OR10H4: variants seen among roughly 807,000 people sequenced by gnomAD.
OR10H4 encodes olfactory receptor 10H4.
OR10H4 carries 10 observed loss-of-function variants against 10.5 expected under a neutral mutation model. The ratio of observed to expected loss-of-function variants is 0.95; its 90% confidence interval spans 0.59 to 1.62. OR10H4 has a LOEUF of 1.62. Among genes scored for constraint, OR10H4 ranks in the 40% most tolerant of loss-of-function variants. OR10H4 has a pLI of 0.00. For missense variants in OR10H4, 397 were observed against 391.5 expected, an observed-to-expected ratio of 1.01 and a Z score of -0.12; for synonymous variants, 160 against 149.4, an observed-to-expected ratio of 1.07 and a Z score of -0.52.
At position 15,949,197 on chromosome 19, in the gene OR10H4, T is replaced by A; in HGVS notation, c.190T>A (p.Leu64Met). The A allele has an allele frequency of 4.3e-6, 7 of 1,614,190 alleles. No homozygotes were observed. The highest frequency in any genetic ancestry group is 5.9e-6 in the Non-Finnish European group (7 of 1,180,036). Residue 64 changes from leucine (L) to methionine (M), a missense_variant, in exon 1 of 1, where the codon TTG becomes ATG. By Grantham distance (15) the Leu-to-Met change is conservative (BLOSUM62 2). Transcript: ENST00000322107. The part of the protein sequence containing the change: ...HRLHTPMYLF[L>M]CTLSVSEILF... ...ACTCCACACACCCATGTACCTCTTC[T>A]TGTGCACCCTCTCCGTCTCTGAGAT...
In OR10H4 at chr19:15,949,729, C is replaced by A; in HGVS notation, c.722C>A (p.Ser241Tyr). Residue 241 changes from serine to tyrosine, a missense_variant, in exon 1 of 1, where the codon TCT becomes TAT. By Grantham distance (144) the Ser-to-Tyr change is moderately radical. Coordinates refer to ENST00000322107, the MANE Select transcript of OR10H4 (RefSeq NM_001004465.1). ...PSAEGRHKTFSTCVSHLTVVV... is the reference protein window; with the variant it reads ...PSAEGRHKTFYTCVSHLTVVV... ...GCCGAAGGCCGGCACAAGACATTTT[C>A]TACGTGTGTATCCCACCTCACTGTG... 6.2e-7 allele frequency: 1 copy of A among 1,614,210 alleles called. No individual in the cohort carries two copies.
rs771886757 is a variant in OR10H4, at chr19:15,949,700, C to T, written c.693C>T (p.Pro231=). The change falls in exon 1 of 1, where the codon CCC becomes CCT. Residue 231 remains proline (P), a synonymous_variant. Transcript: ENST00000322107. ...TTGTGGCTGCCATCTTGAGGATTCC[C>T]TCTGCCGAAGGCCGGCACAAGACAT... The part of the protein sequence containing the change: ...VFIVAAILRI[P]SAEGRHKTFS... 2.5e-6 allele frequency: 4 copies of T among 1,614,084 alleles called. No homozygotes were observed. The highest frequency in any genetic ancestry group is 1.7e-5 in the Admixed American group (1 of 60,004).
In OR10H4 at chr19:15,949,791, C is replaced by G. The variant is rs1198809187; in HGVS notation, c.784C>G (p.Leu262Val). The G allele has an allele frequency of 6.2e-7, 1 of 1,614,040 alleles. No homozygotes were observed. Among genetic ancestry groups the G allele is most frequent in the African/African-American group, 1.3e-5 (1 of 74,906 alleles). The change falls in exon 1 of 1, where the codon CTC becomes GTC. Residue 262 changes from leucine to valine, a missense_variant. By Grantham distance (32) the Leu-to-Val change is conservative. Coordinates refer to ENST00000322107, the MANE Select transcript of OR10H4 (RefSeq NM_001004465.1). ...THYSFASFIYLKPKGLHSMYS... is the reference protein window; with the variant it reads ...THYSFASFIYVKPKGLHSMYS... ...CTATAGTTTTGCCTCCTTTATCTAC[C>G]TCAAGCCCAAGGGCCTCCATTCTAT...
At position 15,949,073 on chromosome 19, in the gene OR10H4, G is replaced by A; in HGVS notation, c.66G>A (p.Gln22=). The change falls in exon 1 of 1, where the codon CAG becomes CAA. Residue 22 remains glutamine (Q), a synonymous_variant. Transcript: ENST00000322107. ...TCTTTGGCTTCTCAGCCTTCCCCCA[G>A]CACCTCCTGCCCATCTTGTTCCTGC... ...FNLFGFSAFP[Q]HLLPILFLLY... 9.9e-6 allele frequency: 16 copies of A among 1,614,092 alleles called. No individual in the cohort carries two copies. Among genetic ancestry groups the A allele is most frequent in the Non-Finnish European group, 1.4e-5 (16 of 1,180,004 alleles).
Position 15,949,260 on chromosome 19 carries a change from G to T in OR10H4, c.253G>T (p.Asp85Tyr). ...TGCCATCACCCCTCGCATGCTGGCT[G>T]ATCTGCTTTCCACCCATCATTCCAT... ...TVAITPRMLA[D>Y]LLSTHHSITF... Residue 85 changes from aspartate to tyrosine, a missense_variant, in exon 1 of 1, where the codon GAT (aspartate) becomes TAT (tyrosine). Asp to Tyr is a radical substitution (Grantham distance 160, BLOSUM62 -3). Coordinates refer to ENST00000322107, the MANE Select transcript of OR10H4 (RefSeq NM_001004465.1). The T allele has an allele frequency of 6.2e-7, 1 of 1,614,228 alleles. No individual in the cohort carries two copies. The highest frequency in any genetic ancestry group is 8.5e-7 in the Non-Finnish European group (1 of 1,180,046).
At position 15,949,736 on chromosome 19, in the gene OR10H4, T is replaced by G. The variant is rs751973103; in HGVS notation, c.729T>G (p.Cys243Trp). The change falls in exon 1 of 1, where the codon TGT becomes TGG. Residue 243 changes from cysteine (C) to tryptophan (W), a missense_variant. Physicochemically the swap from Cys to Trp is radical, Grantham distance 215 (BLOSUM62 -2). Coordinates refer to ENST00000322107, the MANE Select transcript of OR10H4 (RefSeq NM_001004465.1). ...AEGRHKTFST[C>W]VSHLTVVVTH... ...GCCGGCACAAGACATTTTCTACGTGTGTATCCCACCTCACTGTGGTGGTCA... is the reference window on the plus strand; with the variant it reads ...GCCGGCACAAGACATTTTCTACGTGGGTATCCCACCTCACTGTGGTGGTCA... 1 of 1,614,086 alleles carries G rather than the reference T, an allele frequency of 6.2e-7. No homozygotes were observed.
rs993628964 is a variant in OR10H4 at position 15,949,140 on chromosome 19, C to T, written c.133C>T (p.Leu45Phe). 3 of 1,614,212 alleles carry T rather than the reference C, an allele frequency of 1.9e-6. No individual in the cohort carries two copies. Among genetic ancestry groups the T allele is most frequent in the Non-Finnish European group, 1.7e-6 (2 of 1,180,030 alleles). ...MFLFTLLGNL[L>F]IMATIWIEHR... The stretch of plus-strand genomic sequence containing the variant: ...CCTGTTCACATTGCTGGGCAACCTT[C>T]TCATCATGGCCACAATCTGGATTGA... The change falls in exon 1 of 1, where the codon CTC becomes TTC. Residue 45 changes from leucine (L) to phenylalanine (F), a missense_variant. Leu to Phe is a conservative substitution (Grantham distance 22). Coordinates refer to ENST00000322107, the MANE Select transcript of OR10H4 (RefSeq NM_001004465.1).
In OR10H4 at chr19:15,949,568, G is replaced by A; in HGVS notation, c.561G>A (p.Lys187=). The A allele has an allele frequency of 6.2e-7, 1 of 1,614,212 alleles. No individual in the cohort carries two copies. Among genetic ancestry groups the A allele is most frequent in the Non-Finnish European group, 8.5e-7 (1 of 1,180,040 alleles). The change falls in exon 1 of 1, where the codon AAG becomes AAA. Residue 187 remains lysine (K), a synonymous_variant. Transcript: ENST00000322107. Reference sequence around the variant, plus strand: ...TCTGTCATGTGCTTTCCCTCTTGAAGTTGGCCTGTGAAAACAAGACATCAT... The same window carrying A: ...TCTGTCATGTGCTTTCCCTCTTGAAATTGGCCTGTGAAAACAAGACATCAT... ...HFFCHVLSLL[K]LACENKTSSV...
rs16980994 is a variant in OR10H4, at chr19:15,949,307, C to T, written c.300C>T (p.Asn100=). 7 of 1,613,870 alleles carry T rather than the reference C, an allele frequency of 4.3e-6. No homozygotes were observed. The highest frequency in any genetic ancestry group is 2.7e-5 in the African/African-American group (2 of 74,794). The change falls in exon 1 of 1, where the codon AAC becomes AAT. Residue 100 remains asparagine, a synonymous_variant. Coordinates refer to ENST00000322107, the MANE Select transcript of OR10H4 (RefSeq NM_001004465.1). The part of the protein sequence containing the change: ...HHSITFVACA[N]QMFFSFMFGF... ...CCATCACCTTTGTGGCTTGTGCCAA[C>T]CAGATGTTCTTCTCCTTCATGTTTG...
chr19:15,949,077 C>T lies in OR10H4; in HGVS notation c.70C>T (p.Leu24Phe), dbSNP rs1319032637. Residue 24 changes from leucine to phenylalanine, a missense_variant, in exon 1 of 1, where the codon CTC becomes TTC. Leu to Phe is a conservative substitution (Grantham distance 22, BLOSUM62 0). Coordinates refer to ENST00000322107, the MANE Select transcript of OR10H4 (RefSeq NM_001004465.1). ...TGGCTTCTCAGCCTTCCCCCAGCAC[C>T]TCCTGCCCATCTTGTTCCTGCTGTA... ...LFGFSAFPQH[L>F]LPILFLLYLL... 5 of 1,614,090 alleles carry T rather than the reference C, an allele frequency of 3.1e-6. No individual in the cohort carries two copies. Among genetic ancestry groups the T allele is most frequent in the African/African-American group, 2.7e-5 (2 of 74,936 alleles).
At position 15,949,462 on chromosome 19, in the gene OR10H4, G is replaced by C. The variant is rs754437892; in HGVS notation, c.455G>C (p.Gly152Ala). The change falls in exon 1 of 1, where the codon GGT becomes GCT. Residue 152 changes from glycine to alanine, a missense_variant. Transcript: ENST00000322107. ...CATCTTGTGGCCTGTACCTGGGCTGGTGGCTCAGTCATGGGGATGATGGTG... is the reference window on the plus strand; with the variant it reads ...CATCTTGTGGCCTGTACCTGGGCTGCTGGCTCAGTCATGGGGATGATGGTG... ...CAHLVACTWA[G>A]GSVMGMMVTT... 1.2e-6 allele frequency: 2 copies of C among 1,614,220 alleles called. No homozygotes were observed. Among genetic ancestry groups the C allele is most frequent in the Non-Finnish European group, 8.5e-7 (1 of 1,180,032 alleles).
At position 15,949,762 on chromosome 19, in the gene OR10H4, C is replaced by T. The variant is rs141821832; in HGVS notation, c.755C>T (p.Thr252Met). Residue 252 changes from threonine to methionine, a missense_variant, in exon 1 of 1, where the codon ACG becomes ATG. By Grantham distance (81) the Thr-to-Met change is moderately conservative. Transcript: ENST00000322107. The stretch of plus-strand genomic sequence containing the variant: ...GTATCCCACCTCACTGTGGTGGTCA[C>T]GCACTATAGTTTTGCCTCCTTTATC... ...TCVSHLTVVVTHYSFASFIYL... is the reference protein window; with the variant it reads ...TCVSHLTVVVMHYSFASFIYL... 8.7e-3 allele frequency: 14,006 copies of T among 1,614,182 alleles called. 83 individuals carry two copies. Among genetic ancestry groups the T allele is most frequent in the Non-Finnish European group, 0.01 (12,243 of 1,180,030 alleles).
In OR10H4 at chr19:15,949,049, C is replaced by G. The variant is rs1056293244; in HGVS notation, c.42C>G (p.Leu14=). ...ATAGCATCATATCTGAATTTAACCTCTTTGGCTTCTCAGCCTTCCCCCAGC... is the reference window on the plus strand; with the variant it reads ...ATAGCATCATATCTGAATTTAACCTGTTTGGCTTCTCAGCCTTCCCCCAGC... The part of the protein sequence containing the change: ...QNYSIISEFN[L]FGFSAFPQHL... Residue 14 remains leucine, a synonymous_variant, in exon 1 of 1, where the codon CTC becomes CTG. Transcript: ENST00000322107. 1.9e-6 allele frequency: 3 copies of G among 1,613,756 alleles called. No individual in the cohort carries two copies. The highest frequency in any genetic ancestry group is 1.3e-5 in the African/African-American group (1 of 75,062).
At position 15,949,735 on chromosome 19, in the gene OR10H4, G is replaced by T. The variant is rs764467693; in HGVS notation, c.728G>T (p.Cys243Phe). The T allele has an allele frequency of 1.9e-6, 3 of 1,614,168 alleles. No homozygotes were observed. Among genetic ancestry groups the T allele is most frequent in the Non-Finnish European group, 2.5e-6 (3 of 1,180,036 alleles). ...GGCCGGCACAAGACATTTTCTACGTGTGTATCCCACCTCACTGTGGTGGTC... is the reference window on the plus strand; with the variant it reads ...GGCCGGCACAAGACATTTTCTACGTTTGTATCCCACCTCACTGTGGTGGTC... The part of the protein sequence containing the change: ...AEGRHKTFST[C>F]VSHLTVVVTH... Residue 243 changes from cysteine (C) to phenylalanine (F), a missense_variant, in exon 1 of 1, where the codon TGT (cysteine) becomes TTT (phenylalanine). By Grantham distance (205) the Cys-to-Phe change is radical (BLOSUM62 -2). Transcript: ENST00000322107.
chr19:15,949,957 G>C lies in OR10H4; in HGVS notation c.950G>C (p.Ter317SerextTer?). 1.2e-6 allele frequency: 2 copies of C among 1,600,426 alleles called. No individual in the cohort carries two copies. The highest frequency in any genetic ancestry group is 8.5e-7 in the Non-Finnish European group (1 of 1,172,472). The change falls in exon 1 of 1, where the codon TGA (stop) becomes TCA (serine). Residue 317 changes from the stop codon to serine, a stop_lost. Transcript: ENST00000322107. ...AGAAAATTCTGTCCTCCAAGTTCCTGAGCGCCAGTTTGGTGGTGATGAAAT... is the reference window on the plus strand; with the variant it reads ...AGAAAATTCTGTCCTCCAAGTTCCTCAGCGCCAGTTTGGTGGTGATGAAAT... ...FYRKFCPPSS[*>S]
At position 15,949,830 on chromosome 19, in the gene OR10H4, T is replaced by A. The variant is rs757789631; in HGVS notation, c.823T>A (p.Leu275Met). 2.3e-5 allele frequency: 37 copies of A among 1,614,048 alleles called. No homozygotes were observed. The African/African-American group carries it at 4.0e-4, about 17-fold the overall frequency. ...CCTCCATTCTATGTACAGTGACGCC[T>A]TGATGGCCACCACCTATACTGTCTT... ...KGLHSMYSDA[L>M]MATTYTVFTP... The change falls in exon 1 of 1, where the codon TTG becomes ATG. Residue 275 changes from leucine (L) to methionine (M), a missense_variant. Leu to Met is a conservative substitution (Grantham distance 15, BLOSUM62 2). Transcript: ENST00000322107.
Position 15,949,805 on chromosome 19 carries a change from C to G in OR10H4, c.798C>G (p.Gly266=). The change falls in exon 1 of 1, where the codon GGC becomes GGG. Residue 266 remains glycine (G), a synonymous_variant. Coordinates refer to ENST00000322107, the MANE Select transcript of OR10H4 (RefSeq NM_001004465.1). ...FASFIYLKPK[G]LHSMYSDALM... is the part of the protein sequence containing the mutation. ...CCTTTATCTACCTCAAGCCCAAGGG[C>G]CTCCATTCTATGTACAGTGACGCCT... is the stretch of plus-strand genomic sequence containing the variant. 1 of 1,614,162 alleles carries G rather than the reference C, an allele frequency of 6.2e-7. No homozygotes were observed. Among genetic ancestry groups the G allele is most frequent in the South Asian group, 1.1e-5 (1 of 91,078 alleles).
rs746835065 is a variant in OR10H4, at chr19:15,949,773, T to A, written c.766T>A (p.Phe256Ile). The A allele has an allele frequency of 1.7e-5, 27 of 1,614,174 alleles. No homozygotes were observed. The South Asian group carries it at 2.9e-4, about 17-fold the overall frequency. Residue 256 changes from phenylalanine (F) to isoleucine (I), a missense_variant, in exon 1 of 1, where the codon TTT (phenylalanine) becomes ATT (isoleucine). Phe to Ile is a conservative substitution (Grantham distance 21). Coordinates refer to ENST00000322107, the MANE Select transcript of OR10H4 (RefSeq NM_001004465.1). Reference protein sequence around the residue: ...HLTVVVTHYSFASFIYLKPKG... With the variant: ...HLTVVVTHYSIASFIYLKPKG... Reference sequence around the variant, plus strand: ...CACTGTGGTGGTCACGCACTATAGTTTTGCCTCCTTTATCTACCTCAAGCC... The same window carrying A: ...CACTGTGGTGGTCACGCACTATAGTATTGCCTCCTTTATCTACCTCAAGCC...
chr19:15,949,751 T>C lies in OR10H4; in HGVS notation c.744T>C (p.Thr248=), dbSNP rs1218777164. Residue 248 remains threonine, a synonymous_variant, in exon 1 of 1, where the codon ACT becomes ACC. Coordinates refer to ENST00000322107, the MANE Select transcript of OR10H4 (RefSeq NM_001004465.1). ...KTFSTCVSHL[T]VVVTHYSFAS... Reference sequence around the variant, plus strand: ...TTTCTACGTGTGTATCCCACCTCACTGTGGTGGTCACGCACTATAGTTTTG... The same window carrying C: ...TTTCTACGTGTGTATCCCACCTCACCGTGGTGGTCACGCACTATAGTTTTG... 3 of 1,614,106 alleles carry C rather than the reference T, an allele frequency of 1.9e-6. No individual in the cohort carries two copies. The highest frequency in any genetic ancestry group is 2.7e-5 in the African/African-American group (2 of 74,936).
Sources: gnomAD v4.1 joint callset for allele counts on GRCh38, gnomAD v4.1.1 for gene constraint, MANE v1.5 for transcripts, NCBI Gene and HGNC (gene_info 2026-07-23, HGNC 2026-07-21) for gene names.